The following AHNAK2 variants were observed in gnomAD, a reference collection of about 807,000 sequenced individuals.
AHNAK2 encodes the protein AHNAK nucleoprotein 2, also known as protein AHNAK2.
AHNAK2 carries 18 observed loss-of-function variants against 30.7 expected under a neutral mutation model. The observed-to-expected ratio is 0.59, with a 90% CI of 0.41 to 0.87. AHNAK2 has a LOEUF of 0.87. AHNAK2 is among the 40% of genes least tolerant of loss of function. The probability of loss-of-function intolerance (pLI) is 0.00; values close to 1 mark genes in which losing one functional copy is unlikely to be tolerated. For synonymous variants in AHNAK2, 3,590 were observed against 3,073.8 expected (o/e 1.17, Z -5.56); for missense variants, 8,604 against 7,373.0 (o/e 1.17, Z -6.11).
Position 104,938,016 on chromosome 14 carries a change from T to C in AHNAK2, c.*47A>G, listed in dbSNP as rs1275956567. 1.3e-6 allele frequency: 2 copies of C among 1,572,886 alleles called. No individual in the cohort carries two copies. The highest frequency in any genetic ancestry group is 1.2e-5 in the South Asian group (1 of 84,328). On this transcript the variant is annotated 3_prime_UTR_variant, in exon 7 of 7. Coordinates refer to ENST00000333244, the MANE Select transcript of AHNAK2 (RefSeq NM_138420.4). ...CCATATGTGTGTGTAGCCTTTACTT[T>C]CCAACTTAGTTTTTTGCATCTCTCT...
chr14:104,963,828 T>TAAAAA (rs1207815621), intron 1 of AHNAK2, among the ~76,000 whole-genome samples: 6 of 108,322 alleles, frequency 5.5e-5, no homozygotes, highest in East Asian at 2.9e-4. Flanking sequence ...AGACTCCGTC[T>TAAAAA]AAAAAAAAAA....
Position 104,943,540 on chromosome 14 carries a change from G to A in AHNAK2, c.11911C>T (p.Pro3971Ser), listed in dbSNP as rs745644063. The change falls in exon 7 of 7, where the codon CCC becomes TCC. Residue 3971 changes from proline to serine, a missense_variant. Physicochemically the swap from Pro to Ser is moderately conservative, Grantham distance 74 (BLOSUM62 -1). Transcript: ENST00000333244. Reference sequence around the variant, plus strand: ...CCGAACGACGGCATCTTGAACTTGGGCATTTTGAACTTGCTGTCTTTGGCC... The same window carrying A: ...CCGAACGACGGCATCTTGAACTTGGACATTTTGAACTTGCTGTCTTTGGCC... ...MTAKDSKFKM[P>S]KFKMPSFGVS... is the part of the protein sequence containing the mutation. The A allele has an allele frequency of 1.2e-6, 2 of 1,612,930 alleles. No homozygotes were observed. Among genetic ancestry groups the A allele is most frequent in the Admixed American group, 3.3e-5 (2 of 59,918 alleles).
rs1182366410 is a variant in AHNAK2 at position 104,946,064 on chromosome 14, C to T, written c.9387G>A (p.Leu3129=). The part of the protein sequence containing the change: ...KLDGARLEGD[L]SLADKDVTAK... ...CAGTCACATCCTTGTCGGCCAGGGA[C>T]AGGTCCCCCTCCAGCCGTGCACCAT... The change falls in exon 7 of 7, where the codon CTG becomes CTA. Residue 3129 remains leucine (L), a synonymous_variant. Coordinates refer to ENST00000333244, the MANE Select transcript of AHNAK2 (RefSeq NM_138420.4). 6.2e-7 allele frequency: 1 copy of T among 1,608,668 alleles called. No individual in the cohort carries two copies. Among genetic ancestry groups the T allele is most frequent in the African/African-American group, 1.4e-5 (1 of 73,916 alleles).
Position 104,952,303 on chromosome 14 carries a change from G to A in AHNAK2, c.3148C>T (p.Pro1050Ser). 6.2e-7 allele frequency: 1 copy of A among 1,612,274 alleles called. No individual in the cohort carries two copies. Among genetic ancestry groups the A allele is most frequent in the Non-Finnish European group, 8.5e-7 (1 of 1,179,478 alleles). Reference sequence around the variant, plus strand: ...TGGACCTTCAGGTCAGTAGAAGCAGGCTGAATGCTGAGGTCAGTGGTCTTC... The same window carrying A: ...TGGACCTTCAGGTCAGTAGAAGCAGACTGAATGCTGAGGTCAGTGGTCTTC... The part of the protein sequence containing the change: ...DLKTTDLSIQ[P>S]ASTDLKVQAD... Residue 1050 changes from proline (P) to serine (S), a missense_variant, in exon 7 of 7, where the codon CCT becomes TCT. Coordinates refer to ENST00000333244, the MANE Select transcript of AHNAK2 (RefSeq NM_138420.4).
rs972055466 is a variant in AHNAK2, at chr14:104,966,194, G to A, written c.56-8522C>T. Among the ~76,000 whole-genome samples, 1 of 152,106 alleles carries A rather than the reference G, an allele frequency of 6.6e-6. No homozygotes were observed. The highest frequency in any genetic ancestry group is 1.5e-5 in the Non-Finnish European group (1 of 67,988). ...AGGCAGGGCTGGGTCAGTGCCAGGA[G>A]GCATCAACACTCACCCCCACGTCAT... On this transcript the variant is annotated intron_variant, in intron 1 of 6. Transcript: ENST00000333244. This position sits in a 1 kb window ranked among gnomAD's most constrained non-coding sequence, Gnocchi z 4.3.
rs1248476543 is a variant in AHNAK2 at position 104,949,142 on chromosome 14, G to A, written c.6309C>T (p.Pro2103=). 4.7e-6 allele frequency: 5 copies of A among 1,071,590 alleles called. No homozygotes were observed. Among genetic ancestry groups the A allele is most frequent in the African/African-American group, 4.2e-5 (3 of 71,286 alleles). 66.4% of individuals were successfully genotyped at this position (1,071,590 alleles called of 1,614,324 possible). A position where few individuals can be genotyped will look rare whatever the true frequency, so the allele number is the denominator to read the frequency against. The change falls in exon 7 of 7, where the codon CCC becomes CCT. Residue 2103 remains proline (P), a synonymous_variant. Transcript: ENST00000333244. ...CATCGGGGACTCTCATTTCCACCTT[G>A]GGGTCTTTTAGGTCCAGTTTGGGGC... ...IKGPKLDLKD[P]KVEMRVPDVE... is the part of the protein sequence containing the mutation.
chr14:104,978,122 G>C lies in AHNAK2; in HGVS notation c.55+61C>G, dbSNP rs913537857. 4 of 1,189,336 alleles carry C rather than the reference G, an allele frequency of 3.4e-6. No individual in the cohort carries two copies. In the African/African-American group the frequency reaches 6.4e-5, roughly 19 times the overall value. The allele number at this position is 1,189,336 out of a possible 1,614,324, so 73.7% of individuals were successfully genotyped here. A position where few individuals can be genotyped will look rare whatever the true frequency, so the allele number is the denominator to read the frequency against. On this transcript the variant is annotated intron_variant, in intron 1 of 6. Transcript: ENST00000333244. ...CGCGCCCCTGGACACGCCCCGGCGC[G>C]CGCCCTCGCGCGTAGCCCACCCGCC...
chr14:104,963,777 C>A (rs1178399721), intron 1 of AHNAK2, among the ~76,000 whole-genome samples: 2 of 148,770 alleles, frequency 1.3e-5, no homozygotes, highest in Admixed American at 6.7e-5. Context: ...TTGCAGTGAG[C>A]TGAGATTGCG....
chr14:104,938,326 TAGG>T lies in AHNAK2; in HGVS notation c.17122_17124del (p.Pro5708del), dbSNP rs760593340. On this transcript the variant is annotated inframe_deletion, in exon 7 of 7. Transcript: ENST00000333244. Reference sequence around the variant, plus strand: ...TCTTCGGTGCTTTTGCTTTTCTTGGTAGGAGATGAGGAGAACCCTAATTTGGGA... The same window carrying T: ...TCTTCGGTGCTTTTGCTTTTCTTGGTAGATGAGGAGAACCCTAATTTGGGA... 9.3e-6 allele frequency: 15 copies of T among 1,613,982 alleles called. No homozygotes were observed. The highest frequency in any genetic ancestry group is 1.3e-5 in the Non-Finnish European group (15 of 1,179,894).
At chr14:104,965,175 G>A (rs981964153) in intron 1 of AHNAK2, among the ~76,000 whole-genome samples, 5 of 152,048 alleles carry the variant, frequency 3.3e-5, no homozygotes, top group Admixed American at 6.5e-5. Context: ...CGGACGCCCC[G>A]ATGGATAATC....
Position 104,953,483 on chromosome 14 carries a change from G to C in AHNAK2, c.1968C>G (p.Arg656=), listed in dbSNP as rs774098826. 1.9e-6 allele frequency: 3 copies of C among 1,613,842 alleles called. No homozygotes were observed. Among genetic ancestry groups the C allele is most frequent in the African/African-American group, 2.7e-5 (2 of 74,916 alleles). ...TKIQLIHDEK[R]LKKEQILTEK... is the part of the protein sequence containing the mutation. ...CTGTCAGAATTTGTTCCTTTTTTAAGCGTTTTTCATCGTGTATTAGTTGTA... is the reference window on the plus strand; with the variant it reads ...CTGTCAGAATTTGTTCCTTTTTTAACCGTTTTTCATCGTGTATTAGTTGTA... Residue 656 remains arginine (R), a synonymous_variant, in exon 7 of 7, where the codon CGC becomes CGG. Coordinates refer to ENST00000333244, the MANE Select transcript of AHNAK2 (RefSeq NM_138420.4).
intron 1 of AHNAK2, among the ~76,000 whole-genome samples, chr14:104,971,543 C>G (rs1171739149): frequency 6.6e-6 from 1 of 152,160 alleles, no homozygotes; most frequent in African/African-American, 2.4e-5. Context: ...AGCCTCCGCA[C>G]TGGCCTAGCT....
Position 104,951,036 on chromosome 14 carries a change from C to CG in AHNAK2, c.4414_4415insC (p.Gly1472AlafsTer69), listed in dbSNP as rs1566915190. The stretch of plus-strand genomic sequence containing the variant: ...GGACATGTCCTCCTCCAGCCGTCCA[C>CG]CATCCAGCTTGGCTCCTGGGGCCTC... On this transcript the variant is annotated frameshift_variant, in exon 7 of 7. Coordinates refer to ENST00000333244, the MANE Select transcript of AHNAK2 (RefSeq NM_138420.4). LOFTEE classifies it low-confidence loss of function (END_TRUNC). 8 of 1,063,660 alleles carry CG rather than the reference C, an allele frequency of 7.5e-6. 3 individuals carry two copies. In the Admixed American group the frequency reaches 1.1e-4, roughly 14 times the overall value. The allele number at this position is 1,063,660 out of a possible 1,614,324, so 65.9% of individuals were successfully genotyped here.
Position 104,938,446 on chromosome 14 carries a change from C to T in AHNAK2, c.17005G>A (p.Val5669Ile), listed in dbSNP as rs565975961. 1.1e-5 allele frequency: 17 copies of T among 1,613,836 alleles called. No homozygotes were observed. The highest frequency in any genetic ancestry group is 8.3e-5 in the Admixed American group (5 of 60,002). ...DETGVDSKND[V>I]QRSAPIQTQP... ...GTTTGAATGGGAGCAGATCTCTGGA[C>T]GTCATTTTTGGAATCAACACCTGTC... Residue 5669 changes from valine to isoleucine, a missense_variant, in exon 7 of 7, where the codon GTC becomes ATC. Transcript: ENST00000333244.
chr14:104,952,785 T>G lies in AHNAK2; in HGVS notation c.2666A>C (p.Asp889Ala). The change falls in exon 7 of 7, where the codon GAC (aspartate) becomes GCC (alanine). Residue 889 changes from aspartate (D) to alanine (A), a missense_variant. Asp to Ala is a moderately radical substitution (Grantham distance 126, BLOSUM62 -2). Transcript: ENST00000333244. ...CACTTGGCCAGCCTGGACCTCCAGG[T>G]CAGCGGAAGGGGGCTGAATGCTGAG... ...TDLSIQPPSA[D>A]LEVQAGQVDV... is the part of the protein sequence containing the mutation. 1 of 1,612,100 alleles carries G rather than the reference T, an allele frequency of 6.2e-7. No homozygotes were observed. The highest frequency in any genetic ancestry group is 8.5e-7 in the Non-Finnish European group (1 of 1,179,442).
chr14:104,945,132 T>A lies in AHNAK2; in HGVS notation c.10319A>T (p.Glu3440Val). ...PDVEVSLPSV[E>V]VDVQAPRAKL... ...GGCTCTCGGGGCCTGGACGTCCACCTCCACGCTGGGCAGAGACACCTCCAC... is the reference window on the plus strand; with the variant it reads ...GGCTCTCGGGGCCTGGACGTCCACCACCACGCTGGGCAGAGACACCTCCAC... The change falls in exon 7 of 7, where the codon GAG (glutamate) becomes GTG (valine). Residue 3440 changes from glutamate (E) to valine (V), a missense_variant. By Grantham distance (121) the Glu-to-Val change is moderately radical. Transcript: ENST00000333244. 1 of 1,612,992 alleles carries A rather than the reference T, an allele frequency of 6.2e-7. No homozygotes were observed. Among genetic ancestry groups the A allele is most frequent in the Non-Finnish European group, 8.5e-7 (1 of 1,179,708 alleles).
rs753632778 is a variant in AHNAK2, at chr14:104,947,167, C to A, written c.8284G>T (p.Gly2762Cys). 6.2e-7 allele frequency: 1 copy of A among 1,612,158 alleles called. No homozygotes were observed. The highest frequency in any genetic ancestry group is 8.5e-7 in the Non-Finnish European group (1 of 1,179,534). Residue 2762 changes from glycine (G) to cysteine (C), a missense_variant, in exon 7 of 7, where the codon GGC becomes TGC. Coordinates refer to ENST00000333244, the MANE Select transcript of AHNAK2 (RefSeq NM_138420.4). ...GGGGCTGTCACTTCCGCCTTGGGGCCTTTCAGGTCCACGTTGGGGCCCTTA... is the reference window on the plus strand; with the variant it reads ...GGGGCTGTCACTTCCGCCTTGGGGCATTTCAGGTCCACGTTGGGGCCCTTA... ...DVKGPNVDLK[G>C]PKAEVTAPDV...
chr14:104,978,129 C>G, intron 1 of AHNAK2, 54 bp downstream of exon 1: 4 of 1,200,820 alleles, frequency 3.3e-6, no homozygotes, highest in Middle Eastern at 3.3e-4. Flanking sequence ...CGCGCGCCCT[C>G]GCGCGTAGCC....
chr14:104,946,483 C>T lies in AHNAK2; in HGVS notation c.8968G>A (p.Val2990Met). The change falls in exon 7 of 7, where the codon GTG becomes ATG. Residue 2990 changes from valine to methionine, a missense_variant. Physicochemically the swap from Val to Met is conservative, Grantham distance 21. Transcript: ENST00000333244. ...MPKFKMPSFG[V>M]SAPGKSIEVS... is the part of the protein sequence containing the mutation. Reference sequence around the variant, plus strand: ...TCAATGGACTTGCCTGGGGCAGACACCCCGAACGACGGCATCTTGAACTTG... The same window carrying T: ...TCAATGGACTTGCCTGGGGCAGACATCCCGAACGACGGCATCTTGAACTTG... 1.2e-6 allele frequency: 2 copies of T among 1,612,498 alleles called. No homozygotes were observed. The highest frequency in any genetic ancestry group is 1.7e-6 in the Non-Finnish European group (2 of 1,179,510).
Sources: gnomAD v4.1 joint callset for allele counts (sites outside exome capture counted in the v4.1 genomes callset) on GRCh38, gnomAD v4.1.1 for gene constraint, Gnocchi (gnomAD v3.1) non-coding constraint, MANE v1.5 for transcripts, NCBI Gene and HGNC (gene_info 2026-07-23, HGNC 2026-07-21) for gene names.